Variants in CCSER1 observed in about 807,000 individuals in gnomAD.
CCSER1 encodes the protein coiled-coil serine rich protein 1.
A neutral mutation model predicts 82.0 loss-of-function variants in CCSER1; 41 were observed. The observed-to-expected ratio is 0.50, with a 90% CI of 0.39 to 0.65. CCSER1 has a LOEUF of 0.65. Among genes scored for constraint, CCSER1 ranks in the 30% least tolerant of loss-of-function variants. The pLI, the probability that CCSER1 is intolerant of heterozygous loss-of-function variation, is 0.00. For synonymous variants in CCSER1, 414 were observed against 383.9 expected (o/e 1.08, Z -0.92); for missense variants, 1,119 against 1,064.2 (o/e 1.05, Z -0.72).
At chr4:90,140,422 C>T (rs955666267) in intron 1 of CCSER1, among the ~76,000 whole-genome samples, 2 of 152,012 alleles carry the variant, frequency 1.3e-5, no homozygotes, top group Non-Finnish European at 2.9e-5. Flanking sequence ...AAGATGGGGT[C>T]CTGCTGAGAT....
intron 5 of CCSER1, among the ~76,000 whole-genome samples, chr4:90,568,341 G>C (rs114422479): frequency 0.017 from 2,622 of 152,166 alleles, 78 homozygotes; most frequent in African/African-American, 0.057. Context: ...ATGTTTAATT[G>C]CTATGCTGTT....
At chr4:90,664,360 A>T (rs1710530660) in intron 6 of CCSER1, among the ~76,000 whole-genome samples, 1 of 152,152 alleles carries the variant, frequency 6.6e-6, no homozygotes. Flanking sequence ...ATTAAATTTT[A>T]ATTTGTTAAT....
At chr4:90,628,645 C>T (rs1394313277) in intron 6 of CCSER1, among the ~76,000 whole-genome samples, 1 of 151,952 alleles carries the variant, frequency 6.6e-6, no homozygotes, top group African/African-American at 2.4e-5. Flanking sequence ...ATTTTTGTTC[C>T]AATAATCAGA....
intron 1 of CCSER1, among the ~76,000 whole-genome samples, chr4:90,283,544 T>A (rs1157681594): frequency 6.6e-6 from 1 of 152,062 alleles, no homozygotes; most frequent in Non-Finnish European, 1.5e-5. Flanking sequence ...CTAGTAATTT[T>A]AAAATATACA....
chr4:91,030,819 G>A (rs200615109), intron 9 of CCSER1, among the ~76,000 whole-genome samples: 3 of 147,096 alleles, frequency 2.0e-5, no homozygotes, highest in East Asian at 4.1e-4. Flanking sequence ...GTGAAAAGCT[G>A]TATAAATTAA....
At chr4:90,418,932 C>T (rs1756233508) in intron 4 of CCSER1, among the ~76,000 whole-genome samples, 2 of 151,960 alleles carry the variant, frequency 1.3e-5, no homozygotes, top group Non-Finnish European at 2.9e-5. Context: ...CTAATTTAAT[C>T]CTCACAGCAA....
chr4:91,117,052 C>T (rs1028547919), intron 10 of CCSER1, among the ~76,000 whole-genome samples: 3 of 152,096 alleles, frequency 2.0e-5, no homozygotes, highest in African/African-American at 7.2e-5. Context: ...AGGTTTTGAG[C>T]CATAAAGAAG....
At chr4:90,818,804 G>A (rs948657932) in intron 8 of CCSER1, among the ~76,000 whole-genome samples, 1 of 151,844 alleles carries the variant, frequency 6.6e-6, no homozygotes, top group Non-Finnish European at 1.5e-5. Context: ...CTGCTACAGG[G>A]ATATTAGATT....
chr4:90,879,675 A>AAG (rs1720992617), intron 8 of CCSER1, among the ~76,000 whole-genome samples: 1 of 151,874 alleles, frequency 6.6e-6, no homozygotes, highest in African/African-American at 2.4e-5. Context: ...GAAGAAGAAG[A>AAG]AAGAAGAAGA....
intron 10 of CCSER1, among the ~76,000 whole-genome samples, chr4:91,467,470 GCA>G (rs1447818616): frequency 1.3e-5 from 2 of 152,138 alleles, no homozygotes; most frequent in Non-Finnish European, 2.9e-5. Flanking sequence ...AAAACCAAAA[GCA>G]ATGGCAACAA....
chr4:90,910,900 C>A (rs1478167398), intron 8 of CCSER1, among the ~76,000 whole-genome samples: 1 of 151,944 alleles, frequency 6.6e-6, no homozygotes, highest in Non-Finnish European at 1.5e-5. Flanking sequence ...GGGTCCCAGG[C>A]CAAGAATATG....
chr4:91,194,198 G>A (rs563956515), intron 10 of CCSER1, among the ~76,000 whole-genome samples: 152 of 152,200 alleles, frequency 1.0e-3, no homozygotes, highest in Middle Eastern at 3.4e-3. Context: ...TCGAACTCCC[G>A]ACCTCAGGTG....
intron 10 of CCSER1, among the ~76,000 whole-genome samples, chr4:91,517,748 G>GTA (rs1491064068): frequency 9.9e-5 from 7 of 70,788 alleles, no homozygotes; most frequent in African/African-American, 3.8e-4. Flanking sequence ...TCTTTCTCGT[G>GTA]TGTGTGTGTG....
At chr4:90,504,802 G>A (rs1770446260) in intron 5 of CCSER1, among the ~76,000 whole-genome samples, 1 of 152,122 alleles carries the variant, frequency 6.6e-6, no homozygotes, top group Non-Finnish European at 1.5e-5. Context: ...TCCTTAGGGT[G>A]GACTCTAACT....
chr4:90,422,608 A>G (rs1049070383), intron 4 of CCSER1, among the ~76,000 whole-genome samples: 1 of 152,098 alleles, frequency 6.6e-6, no homozygotes, highest in African/African-American at 2.4e-5. Flanking sequence ...CTCTTTCTAT[A>G]AGATCAATGT....
chr4:91,121,618 C>T (rs1417605138), intron 10 of CCSER1, among the ~76,000 whole-genome samples: 2 of 151,500 alleles, frequency 1.3e-5, no homozygotes, highest in African/African-American at 2.4e-5. Context: ...CAAATATGCA[C>T]TATTAACTTA....
intron 1 of CCSER1, among the ~76,000 whole-genome samples, chr4:90,158,676 T>C (rs1413586542): frequency 2.0e-5 from 3 of 152,230 alleles, no homozygotes; most frequent in African/African-American, 7.2e-5. Context: ...TAGGACCCTC[T>C]GAGCCAGGTG....
intron 10 of CCSER1, among the ~76,000 whole-genome samples, chr4:91,484,745 A>C (rs969291650): frequency 6.6e-6 from 1 of 152,054 alleles, no homozygotes; most frequent in Non-Finnish European, 1.5e-5. Context: ...ATCACCTACA[A>C]ATCTATTAAA....
At chr4:90,397,719 GAGA>G (rs1026768595) in intron 3 of CCSER1, among the ~76,000 whole-genome samples, 18 of 152,250 alleles carry the variant, frequency 1.2e-4, no homozygotes, top group African/African-American at 4.1e-4. Flanking sequence ...GTTCACCAAG[GAGA>G]AGGAGTTTGG....
Sources: gnomAD v4.1 joint callset for allele counts (sites outside exome capture counted in the v4.1 genomes callset) on GRCh38, gnomAD v4.1.1 for gene constraint, MANE v1.5 for transcripts, NCBI Gene and HGNC (gene_info 2026-07-23, HGNC 2026-07-21) for gene names.